The following BLMH variants were observed in gnomAD, a reference collection of about 807,000 sequenced individuals.
BLMH encodes BLM hydrolase.
BLMH carries 32 observed loss-of-function variants against 61.6 expected under a neutral mutation model. The ratio of observed to expected loss-of-function variants is 0.52; its 90% CI spans 0.39 to 0.70. The LOEUF (loss-of-function observed/expected upper bound fraction) is 0.70, where lower values mean the gene tolerates loss of function less well. Among genes scored for constraint, BLMH ranks in the 30% least tolerant of loss-of-function variants. BLMH has a pLI of 0.00. For synonymous variants in BLMH, 183 were observed against 193.8 expected, an observed-to-expected ratio of 0.94 and a Z score of 0.46; for missense variants, 460 against 555.5, an observed-to-expected ratio of 0.83 and a Z score of 1.73.
At chr17:30,260,287 T>C (rs989835274) in intron 11 of BLMH, among the ~76,000 whole-genome samples, 2 of 152,194 alleles carry the variant, frequency 1.3e-5, no homozygotes, top group African/African-American at 4.8e-5. Context: ...GCAAACACCT[T>C]GGAGACAATC....
chr17:30,249,848 C>G (rs1907625191), intron 11 of BLMH: 1 of 152,362 alleles, frequency 6.6e-6, no homozygotes, highest in African/African-American at 2.4e-5. Context: ...TTAACCTGCT[C>G]TCCTTAGGAA....
At chr17:30,286,968 T>C (rs1908750193) in intron 4 of BLMH, 66 bp from the exon 5 acceptor site, 2 of 1,040,522 alleles carry the variant, frequency 1.9e-6, no homozygotes, top group Middle Eastern at 2.3e-4. Context: ...AAAATAGTGA[T>C]TGTTTCAAAA....
chr17:30,276,012 C>T (rs1228197033), intron 6 of BLMH, among the ~76,000 whole-genome samples: 1 of 152,066 alleles, frequency 6.6e-6, no homozygotes, highest in Non-Finnish European at 1.5e-5. Context: ...GTATATTTCC[C>T]TCCACTTCCC....
intron 11 of BLMH, among the ~76,000 whole-genome samples, chr17:30,255,513 C>T (rs537368657): frequency 6.6e-6 from 1 of 152,236 alleles, no homozygotes; most frequent in Non-Finnish European, 1.5e-5. Flanking sequence ...TTCTTGGATC[C>T]AATTTGAGCC....
chr17:30,287,207 T>C (rs1402609764), intron 4 of BLMH, among the ~76,000 whole-genome samples: 2 of 152,132 alleles, frequency 1.3e-5, no homozygotes, highest in African/African-American at 4.8e-5. Flanking sequence ...TTTTATTTTC[T>C]GTAGAGACAG....
In BLMH at chr17:30,249,377, C is replaced by T. The variant is rs763455455; in HGVS notation, c.1217-209G>A. 4.7e-5 allele frequency: 27 copies of T among 573,236 alleles called. No individual in the cohort carries two copies. In the South Asian group the frequency reaches 5.3e-4, roughly 11 times the overall value. The allele number at this position is 573,236 out of a possible 1,614,324, so 35.5% of individuals were successfully genotyped here. ...TCTATTTTTAGAAAAATTAGAAAACCGGGTCTTGAGTAACTAGGTGATGTG... is the reference window on the plus strand; with the variant it reads ...TCTATTTTTAGAAAAATTAGAAAACTGGGTCTTGAGTAACTAGGTGATGTG... On this transcript the variant is annotated intron_variant, in intron 11 of 11. Coordinates refer to ENST00000261714, the MANE Select transcript of BLMH (RefSeq NM_000386.4).
chr17:30,274,211 G>A lies in BLMH; in HGVS notation c.646-14C>T. On this transcript the variant is annotated splice_polypyrimidine_tract_variant and intron_variant, in intron 6 of 11. Transcript: ENST00000261714. The stretch of plus-strand genomic sequence containing the variant: ...CACTCGGAATATCTGGAAGAGAGGA[G>A]GAGGAAAGGCGAGCAATGGTTAGGG... 1 of 1,611,502 alleles carries A rather than the reference G, an allele frequency of 6.2e-7. No homozygotes were observed. The highest frequency in any genetic ancestry group is 2.2e-5 in the East Asian group (1 of 44,800).
chr17:30,266,519 T>C lies in BLMH; in HGVS notation c.1216+366A>G, dbSNP rs372413846. Among the ~76,000 whole-genome samples, 88 of 128,316 alleles carry C rather than the reference T, an allele frequency of 6.9e-4. 1 individual carries two copies. The highest frequency in any genetic ancestry group is 2.7e-3 in the African/African-American group (86 of 31,896). 84.2% of individuals were successfully genotyped at this position (128,316 alleles called of 152,430 possible). The stretch of plus-strand genomic sequence containing the variant: ...CAGCCTGGGCGACAGAGCAAGACTC[T>C]GTCCAAAAAAAAAAAAAAAGAAAAA... On this transcript the variant is annotated intron_variant, in intron 11 of 11. Transcript: ENST00000261714.
chr17:30,268,352 G>A (rs1908166745), intron 10 of BLMH, among the ~76,000 whole-genome samples: 2 of 152,098 alleles, frequency 1.3e-5, no homozygotes, highest in African/African-American at 4.8e-5. Context: ...GGGATTCCAT[G>A]ATATCAGCAA....
At chr17:30,269,246 T>G (rs1908199044) in intron 10 of BLMH, among the ~76,000 whole-genome samples, 1 of 149,704 alleles carries the variant, frequency 6.7e-6, no homozygotes, top group South Asian at 2.2e-4. Context: ...GGTGCAATCT[T>G]GTCTCACTGC....
In BLMH at chr17:30,285,899, G is replaced by GACT. The variant is rs113316538; in HGVS notation, c.553-422_553-420dup. 9.7e-3 allele frequency among the ~76,000 whole-genome samples: 1,473 copies of GACT among 152,236 alleles called. 20 individuals carry two copies. The highest frequency in any genetic ancestry group is 0.033 in the African/African-American group (1,380 of 41,538). On this transcript the variant is annotated intron_variant, in intron 5 of 11. Transcript: ENST00000261714. ...TTTTCCTTCTCTGCCGGCTGACTAT[G>GACT]ACTATGGTTATGCCAGCCCCCAATA... is the stretch of plus-strand genomic sequence containing the variant.
In BLMH at chr17:30,285,451, G is replaced by T. The variant is rs753634567; in HGVS notation, c.582C>A (p.Asn194Lys). Reference protein sequence around the residue: ...KMREFCIRLRNLVHSGATKGE... With the variant: ...KMREFCIRLRKLVHSGATKGE... ...CTTTGGTTGCTCCACTGTGTACCAGGTTCCGCAGTCGTATACAGAATTCTC... is the reference window on the plus strand; with the variant it reads ...CTTTGGTTGCTCCACTGTGTACCAGTTTCCGCAGTCGTATACAGAATTCTC... The change falls in exon 6 of 12, where the codon AAC becomes AAA. Residue 194 changes from asparagine to lysine, a missense_variant. Asn to Lys is a moderately conservative substitution (Grantham distance 94). Coordinates refer to ENST00000261714, the MANE Select transcript of BLMH (RefSeq NM_000386.4). 1.2e-6 allele frequency: 2 copies of T among 1,612,560 alleles called. No homozygotes were observed. Among genetic ancestry groups the T allele is most frequent in the African/African-American group, 1.3e-5 (1 of 74,832 alleles).
At chr17:30,257,785 T>G (rs956235367) in intron 11 of BLMH, among the ~76,000 whole-genome samples, 1 of 152,130 alleles carries the variant, frequency 6.6e-6, no homozygotes, top group East Asian at 1.9e-4. Context: ...GGTCTTAAAT[T>G]CAAATTCCAT....
At chr17:30,287,664 T>G (rs538674181) in intron 4 of BLMH, 142 bp downstream of exon 4, 6 of 936,180 alleles carry the variant, frequency 6.4e-6, no homozygotes, top group Non-Finnish European at 9.1e-6. Flanking sequence ...GAATGTGAAC[T>G]AAAGGTCCTT....
chr17:30,271,955 A>T (rs1908284252), intron 9 of BLMH, among the ~76,000 whole-genome samples: 1 of 152,184 alleles, frequency 6.6e-6, no homozygotes, highest in South Asian at 2.1e-4. Context: ...GTTTTCAAAA[A>T]TTTTTTAAAC....
chr17:30,290,606 C>G (rs905759064), intron 2 of BLMH, among the ~76,000 whole-genome samples: 3 of 152,168 alleles, frequency 2.0e-5, no homozygotes, highest in Admixed American at 1.3e-4. Flanking sequence ...ACTGGGGGGT[C>G]GTTTTTAAGT....
intron 7 of BLMH, 49 bp from the exon 8 acceptor site, chr17:30,272,948 A>G: frequency 6.3e-7 from 1 of 1,585,902 alleles, no homozygotes; most frequent in Non-Finnish European, 8.6e-7. Context: ...CAGGAATGTC[A>G]AGCAACACAC....
Position 30,291,361 on chromosome 17 carries a change from T to C in BLMH, c.161A>G (p.Gln54Arg), listed in dbSNP as rs564186955. ...ATVQRAQHVF[Q>R]HAVPQEGKPI... ...CTTGCCCTCCTGGGGCACGGCGTGCTGGAACACATGCTGCGCGCGCTGCAC... is the reference window on the plus strand; with the variant it reads ...CTTGCCCTCCTGGGGCACGGCGTGCCGGAACACATGCTGCGCGCGCTGCAC... Residue 54 changes from glutamine to arginine, a missense_variant, in exon 2 of 12, where the codon CAG (glutamine) becomes CGG (arginine). Gln to Arg is a conservative substitution (Grantham distance 43). This residue lies in a region of BLMH where 86 missense variants were observed against 84.5 expected (regional missense o/e 1.02). Coordinates refer to ENST00000261714, the MANE Select transcript of BLMH (RefSeq NM_000386.4). 4 of 1,612,984 alleles carry C rather than the reference T, an allele frequency of 2.5e-6. No homozygotes were observed. The highest frequency in any genetic ancestry group is 3.3e-5 in the Admixed American group (2 of 60,028).
Position 30,291,888 on chromosome 17 carries a change from G to A in BLMH, c.-69C>T. 1 of 1,272,100 alleles carries A rather than the reference G, an allele frequency of 7.9e-7. No individual in the cohort carries two copies. Among genetic ancestry groups the A allele is most frequent in the Non-Finnish European group, 9.9e-7 (1 of 1,010,584 alleles). 78.8% of individuals were successfully genotyped at this position (1,272,100 alleles called of 1,614,324 possible). ...CTTGGGCGAGCGCCGGGATTGCGCT[G>A]CGGCTCGCTGCCTAGGGGGCCCGAC... On this transcript the variant is annotated 5_prime_UTR_variant, in exon 1 of 12. Coordinates refer to ENST00000261714, the MANE Select transcript of BLMH (RefSeq NM_000386.4).
Sources: gnomAD v4.1 joint callset for allele counts (sites outside exome capture counted in the v4.1 genomes callset) on GRCh38, gnomAD v4.1.1 for gene constraint, gnomAD v4.1.1 regional missense constraint, MANE v1.5 for transcripts, NCBI Gene and HGNC (gene_info 2026-07-23, HGNC 2026-07-21) for gene names.